The following ZNF362 variants were observed in gnomAD, a reference collection of about 807,000 sequenced individuals.
ZNF362 encodes rotund homolog.
A neutral mutation model predicts 42.9 loss-of-function variants in ZNF362; 11 were observed. The observed-to-expected ratio is 0.26, with a 90% confidence interval of 0.16 to 0.42. ZNF362 has a LOEUF of 0.42. ZNF362 is among the 20% of genes least tolerant of loss of function. The pLI is 1.00. For missense variants in ZNF362, 362 were observed against 576.2 expected, an observed-to-expected ratio of 0.63 and a Z score of 3.81; for synonymous variants, 255 against 257.3, an observed-to-expected ratio of 0.99 and a Z score of 0.09.
chr1:33,281,440 C>G lies in ZNF362; in HGVS notation c.684-147C>G. On this transcript the variant is annotated intron_variant, in intron 5 of 8. Coordinates refer to ENST00000539719, the MANE Select transcript of ZNF362 (RefSeq NM_152493.3). The surrounding 1 kb of genome is among the most constrained non-coding windows in gnomAD (Gnocchi z 4.8). The stretch of plus-strand genomic sequence containing the variant: ...GGGTGCCCAGGCTGGGAGACTGTCC[C>G]CTGTCTTTCCCAGGTGGTCCTGTGC... The G allele has an allele frequency of 1.4e-6, 1 of 728,138 alleles. No individual in the cohort carries two copies. The highest frequency in any genetic ancestry group is 1.8e-5 in the South Asian group (1 of 56,524). The allele number at this position is 728,138 out of a possible 1,614,324, so 45.1% of individuals were successfully genotyped here. A position where few individuals can be genotyped will look rare whatever the true frequency, so the allele number is the denominator to read the frequency against.
the ZNF362 span, chr1:33,164,034 C>G: frequency 6.6e-6 from 1 of 152,396 alleles, no homozygotes; most frequent in South Asian, 2.1e-4. Context: ...ATACTCCGCT[C>G]TCATACAGAG....
the ZNF362 span, among the ~76,000 whole-genome samples, chr1:33,239,405 A>G: frequency 6.6e-6 from 1 of 152,224 alleles, no homozygotes; most frequent in East Asian, 1.9e-4. Context: ...ATAGTGGTAC[A>G]CATCAGAAAG....
chr1:33,203,915 T>C, the ZNF362 span, among the ~76,000 whole-genome samples: 1 of 152,222 alleles, frequency 6.6e-6, no homozygotes, highest in African/African-American at 2.4e-5. Context: ...TCTCCCATTT[T>C]GTATGCTGCC....
At chr1:33,209,502 C>A in the ZNF362 span, among the ~76,000 whole-genome samples, 1 of 152,148 alleles carries the variant, frequency 6.6e-6, no homozygotes, top group East Asian at 1.9e-4. Context: ...GGAATGATAC[C>A]AGCTCTTCTT....
the ZNF362 span, among the ~76,000 whole-genome samples, chr1:33,244,817 G>C: frequency 6.6e-6 from 1 of 152,152 alleles, no homozygotes; most frequent in Non-Finnish European, 1.5e-5. The surrounding 1 kb of genome is among the most constrained non-coding windows in gnomAD (Gnocchi z 4.0). Flanking sequence ...CTGGCTTGGA[G>C]GAGGTACACA....
At chr1:33,255,480 A>T (rs912284569), upstream of ZNF362, among the ~76,000 whole-genome samples, 1 of 12,724 alleles carries the variant, frequency 7.9e-5, no homozygotes, top group Non-Finnish European at 2.9e-3. Context: ...GGGATCCTGG[A>T]ACCGGCTGCC....
chr1:33,205,989 G>A, the ZNF362 span, among the ~76,000 whole-genome samples: 4 of 151,934 alleles, frequency 2.6e-5, no homozygotes, highest in Non-Finnish European at 4.4e-5. Context: ...ATATAGACCC[G>A]TGTTTATATA....
the ZNF362 span, among the ~76,000 whole-genome samples, chr1:33,226,672 C>A: frequency 6.6e-6 from 1 of 152,180 alleles, no homozygotes; most frequent in Non-Finnish European, 1.5e-5. Context: ...CAAGACCAGC[C>A]TGGCCAACAT....
the ZNF362 span, among the ~76,000 whole-genome samples, chr1:33,219,139 G>A: frequency 6.6e-6 from 1 of 152,132 alleles, no homozygotes; most frequent in South Asian, 2.1e-4. Context: ...AGTTAGACTG[G>A]AGTTCAAAAT....
At chr1:33,191,359 C>A in the ZNF362 span, among the ~76,000 whole-genome samples, 1 of 152,286 alleles carries the variant, frequency 6.6e-6, no homozygotes, top group Admixed American at 6.5e-5. Flanking sequence ...ATCAACAACT[C>A]TTCTCTTCTC....
the ZNF362 span, among the ~76,000 whole-genome samples, chr1:33,194,099 T>C: frequency 2.0e-5 from 3 of 152,224 alleles, no homozygotes; most frequent in Non-Finnish European, 4.4e-5. Context: ...AAATGAACTA[T>C]TAAAAATGCA....
At chr1:33,277,293 A>G (rs1645958092) in intron 4 of ZNF362, among the ~76,000 whole-genome samples, 1 of 152,260 alleles carries the variant, frequency 6.6e-6, no homozygotes. Flanking sequence ...AGAGAAAGGT[A>G]AAGCCACGTG....
At chr1:33,278,168 A>T (rs1035281006) in intron 4 of ZNF362, among the ~76,000 whole-genome samples, 1 of 152,222 alleles carries the variant, frequency 6.6e-6, no homozygotes, top group African/African-American at 2.4e-5. Context: ...GCAACAAAAA[A>T]ATCATTCATA....
the ZNF362 span, among the ~76,000 whole-genome samples, chr1:33,157,698 C>T: frequency 6.6e-6 from 1 of 151,900 alleles, no homozygotes; most frequent in African/African-American, 2.4e-5. Context: ...AGTGTCCAGG[C>T]CTCAGTCATT....
chr1:33,196,782 A>G, the ZNF362 span, among the ~76,000 whole-genome samples: 141,918 of 152,272 alleles, frequency 0.93, 66,544 homozygotes, highest in South Asian at 0.98. Context: ...GCAGTAGGCC[A>G]TTTACACCAG....
At chr1:33,249,559 C>G in the ZNF362 span, among the ~76,000 whole-genome samples, 1 of 152,070 alleles carries the variant, frequency 6.6e-6, no homozygotes, top group Non-Finnish European at 1.5e-5. Context: ...CTTCCTGCCC[C>G]ACTCCCCCAA....
the ZNF362 span, among the ~76,000 whole-genome samples, chr1:33,130,733 C>T: frequency 6.6e-6 from 1 of 152,156 alleles, no homozygotes. Flanking sequence ...ATTTGTTAGG[C>T]AGCAATAGAT....
upstream of ZNF362, among the ~76,000 whole-genome samples, chr1:33,255,718 GGA>G (rs1645783114): frequency 6.6e-6 from 1 of 152,174 alleles, no homozygotes. Context: ...CTAGGGCTAG[GGA>G]GGGGTGGCTG....
At chr1:33,184,664 T>C in the ZNF362 span, among the ~76,000 whole-genome samples, 1 of 152,344 alleles carries the variant, frequency 6.6e-6, no homozygotes, top group African/African-American at 2.4e-5. Flanking sequence ...CTGCATGAAG[T>C]ACAGCCACCC....
Sources: allele counts gnomAD v4.1 joint callset (sites outside exome capture counted in the v4.1 genomes callset), GRCh38; gene constraint gnomAD v4.1.1; non-coding constraint Gnocchi (gnomAD v3.1); transcripts MANE v1.5; gene names NCBI Gene and HGNC (gene_info 2026-07-23, HGNC 2026-07-21).